LRP2: variants seen among roughly 807,000 people sequenced by gnomAD.
The protein encoded by LRP2 is low-density lipoprotein receptor-related protein 2.
In LRP2, 172 loss-of-function variants were observed where a neutral mutation model predicts 531.0. That is an observed-to-expected ratio of 0.32 (90% CI 0.29 to 0.37). LRP2 has a LOEUF of 0.37. Ranked by LOEUF, LRP2 falls within the 10% of genes least tolerant of loss-of-function variation. LRP2 has a pLI of 1.00. For synonymous variants in LRP2, 1,992 were observed against 2,027.6 expected, an observed-to-expected ratio of 0.98 and a Z score of 0.47; for missense variants, 5,167 against 5,868.3, an observed-to-expected ratio of 0.88 and a Z score of 3.90.
At chr2:169,274,887 A>G in intron 14 of LRP2, 149 bp downstream of exon 14, 2 of 762,338 alleles carry the variant, frequency 2.6e-6, no homozygotes, top group South Asian at 3.1e-5. Context: ...AACCAGTTTC[A>G]GAGAGTTTAA....
At chr2:169,168,321 G>C (rs1686864693) in intron 61 of LRP2, among the ~76,000 whole-genome samples, 1 of 151,888 alleles carries the variant, frequency 6.6e-6, no homozygotes, top group Non-Finnish European at 1.5e-5. Flanking sequence ...TGTTTTCTAA[G>C]GCCATAATAC....
intron 42 of LRP2, among the ~76,000 whole-genome samples, chr2:169,203,423 A>G (rs1388752991): frequency 6.6e-6 from 1 of 152,174 alleles, no homozygotes; most frequent in Non-Finnish European, 1.5e-5. Context: ...TAGGGCAGCC[A>G]AGGCCTTCAT....
chr2:169,211,096 T>C (rs1357097801), intron 37 of LRP2, among the ~76,000 whole-genome samples: 2 of 152,198 alleles, frequency 1.3e-5, no homozygotes, highest in Non-Finnish European at 2.9e-5. Context: ...TTTTTAGATA[T>C]GGAAAAACAA....
chr2:169,274,531 AC>A (rs1306866348), intron 14 of LRP2, among the ~76,000 whole-genome samples: 1 of 152,160 alleles, frequency 6.6e-6, no homozygotes, highest in African/African-American at 2.4e-5. Context: ...GAGACACCAA[AC>A]CCAGTTGGCC....
intron 31 of LRP2, among the ~76,000 whole-genome samples, chr2:169,229,440 A>G (rs1442488643): frequency 6.6e-6 from 1 of 152,160 alleles, no homozygotes; most frequent in East Asian, 1.9e-4. Context: ...CCCTGGAGCA[A>G]GGACAAGGAG....
intron 9 of LRP2, among the ~76,000 whole-genome samples, chr2:169,285,252 T>C (rs1203176457): frequency 2.0e-5 from 3 of 151,520 alleles, no homozygotes; most frequent in Non-Finnish European, 4.4e-5. Context: ...AGCGTGATAA[T>C]GCCACTGCAC....
chr2:169,328,013 TGG>T (rs1216309404), intron 1 of LRP2, among the ~76,000 whole-genome samples: 4 of 28,760 alleles, frequency 1.4e-4, no homozygotes, highest in Admixed American at 3.9e-4. Flanking sequence ...GGGAGGGAGG[TGG>T]GGGGGGGTCA....
At chr2:169,202,607 T>A (rs1688239994) in intron 43 of LRP2, 149 bp downstream of exon 43, 1 of 781,666 alleles carries the variant, frequency 1.3e-6, no homozygotes, top group South Asian at 1.5e-5. Context: ...ACAGAAACAG[T>A]CTGGATTATC....
intron 64 of LRP2, 122 bp downstream of exon 64, chr2:169,157,249 T>A (rs185856089): frequency 1.2e-4 from 125 of 1,078,536 alleles, no homozygotes; most frequent in Admixed American, 1.4e-4. Flanking sequence ...CCTAGAACCA[T>A]GAAACCATGA....
intron 16 of LRP2, among the ~76,000 whole-genome samples, chr2:169,261,077 A>G (rs1378463551): frequency 6.6e-6 from 1 of 152,042 alleles, no homozygotes; most frequent in Non-Finnish European, 1.5e-5. Flanking sequence ...ATCAGTGAGA[A>G]ATGTGGAAGA....
At chr2:169,285,153 TAAA>T (rs58043794) in intron 9 of LRP2, among the ~76,000 whole-genome samples, 16 of 134,674 alleles carry the variant, frequency 1.2e-4, no homozygotes, top group African/African-American at 1.3e-4. Flanking sequence ...TACTAAGAAT[TAAA>T]AAAAAAAAAA....
chr2:169,158,309 T>A (rs1423826068), intron 63 of LRP2, among the ~76,000 whole-genome samples: 1 of 151,878 alleles, frequency 6.6e-6, no homozygotes, highest in Non-Finnish European at 1.5e-5. Flanking sequence ...ATATGCAGTA[T>A]AATTTACGTT....
At position 169,201,834 on chromosome 2, in the gene LRP2, G is replaced by T; in HGVS notation, c.8246C>A (p.Ala2749Asp). The T allele has an allele frequency of 6.2e-7, 1 of 1,614,168 alleles. No homozygotes were observed. Among genetic ancestry groups the T allele is most frequent in the Non-Finnish European group, 8.5e-7 (1 of 1,180,022 alleles). ...HTCSPTAFTCANGRCVQYSYR... is the reference protein window; with the variant it reads ...HTCSPTAFTCDNGRCVQYSYR... ...AGAGTATTGGACACATCGCCCATTGGCACAGGTGAAGGCTGTCGGTGAGCA... is the reference window on the plus strand; with the variant it reads ...AGAGTATTGGACACATCGCCCATTGTCACAGGTGAAGGCTGTCGGTGAGCA... The change falls in exon 44 of 79, where the codon GCC (alanine) becomes GAC (aspartate). Residue 2749 changes from alanine to aspartate, a missense_variant. Ala to Asp is a moderately radical substitution (Grantham distance 126). Coordinates refer to ENST00000649046, the MANE Select transcript of LRP2 (RefSeq NM_004525.3).
At position 169,186,075 on chromosome 2, in the gene LRP2, T is replaced by C. The variant is rs1687627618; in HGVS notation, c.9329-56A>G. The C allele has an allele frequency of 3.3e-6, 5 of 1,503,662 alleles. No homozygotes were observed. The Middle Eastern group carries it at 5.1e-4, about 154-fold the overall frequency. 93.1% of individuals were successfully genotyped at this position (1,503,662 alleles called of 1,614,324 possible). ...TAAAATATCAACGACCAACTCACTA[T>C]AATGGTTCAAAGTCAACATTTCTAC... On this transcript the variant is annotated intron_variant, in intron 49 of 78. Coordinates refer to ENST00000649046, the MANE Select transcript of LRP2 (RefSeq NM_004525.3).
chr2:169,338,257 AAAAC>A (rs1361527925), intron 1 of LRP2, among the ~76,000 whole-genome samples: 1 of 147,002 alleles, frequency 6.8e-6, no homozygotes, highest in African/African-American at 2.6e-5. Flanking sequence ...GGGAGAAAGA[AAAAC>A]AAAGAAAGAA....
intron 43 of LRP2, 144 bp from the exon 44 acceptor site, chr2:169,202,014 A>G: frequency 1.0e-6 from 1 of 974,974 alleles, no homozygotes; most frequent in Non-Finnish European, 1.5e-6. Context: ...ATGCAAAGTG[A>G]GATAACACTT....
chr2:169,248,943 G>A (rs866266582), intron 19 of LRP2, among the ~76,000 whole-genome samples: 1 of 45,190 alleles, frequency 2.2e-5, no homozygotes, highest in African/African-American at 9.9e-5. Flanking sequence ...AAGAAACGGC[G>A]CACCACGAGA....
At chr2:169,339,476 T>C (rs1449577944) in intron 1 of LRP2, among the ~76,000 whole-genome samples, 2 of 152,178 alleles carry the variant, frequency 1.3e-5, no homozygotes, top group Non-Finnish European at 2.9e-5. Context: ...AAATTAACTC[T>C]TTGCTAAATT....
chr2:169,247,770 A>G (rs894320792), intron 19 of LRP2, among the ~76,000 whole-genome samples: 5 of 152,178 alleles, frequency 3.3e-5, no homozygotes, highest in Non-Finnish European at 5.9e-5. Flanking sequence ...GGCATTTAGT[A>G]GCAATTGGAT....
Sources: gnomAD v4.1 joint callset for allele counts (sites outside exome capture counted in the v4.1 genomes callset) on GRCh38, gnomAD v4.1.1 for gene constraint, MANE v1.5 for transcripts, NCBI Gene and HGNC (gene_info 2026-07-23, HGNC 2026-07-21) for gene names.